Variants in SYN2 observed in about 807,000 individuals in gnomAD.
SYN2 encodes the protein synapsin II, also known as synapsin-2.
In SYN2, 19 loss-of-function variants were observed where a neutral mutation model predicts 50.9. That is an observed-to-expected ratio of 0.37 (90% confidence interval 0.26 to 0.55). SYN2 has a LOEUF of 0.55. SYN2 is among the 20% of genes least tolerant of loss of function. SYN2 has a pLI of 0.81. For missense variants in SYN2, 587 were observed against 576.4 expected, an observed-to-expected ratio of 1.02 and a Z score of -0.19; for synonymous variants, 255 against 224.9, an observed-to-expected ratio of 1.13 and a Z score of -1.20.
chr3:12,163,740 A>G (rs1475545486), intron 7 of SYN2, among the ~76,000 whole-genome samples: 1 of 152,170 alleles, frequency 6.6e-6, no homozygotes, highest in Non-Finnish European at 1.5e-5. Context: ...TTATATTTAT[A>G]ATCTTCCTGC....
intron 10 of SYN2, among the ~76,000 whole-genome samples, chr3:12,181,506 C>T (rs1574892904): frequency 6.6e-6 from 1 of 152,280 alleles, no homozygotes; most frequent in Non-Finnish European, 1.5e-5. Flanking sequence ...AAGGGCAAGC[C>T]CAGCCATGCT....
At chr3:12,162,453 A>G (rs1213619462) in intron 7 of SYN2, among the ~76,000 whole-genome samples, 1 of 152,198 alleles carries the variant, frequency 6.6e-6, no homozygotes, top group Non-Finnish European at 1.5e-5. Flanking sequence ...ATTTTCTTAG[A>G]TCTTAGATCT....
chr3:12,189,985 T>C (rs12106878), intron 12 of SYN2, among the ~76,000 whole-genome samples: 8,340 of 152,226 alleles, frequency 0.055, 768 homozygotes, highest in African/African-American at 0.19. Context: ...GTGGCTTGCC[T>C]CCAGTTAGGA....
chr3:12,053,111 T>G (rs1694904142), intron 1 of SYN2, among the ~76,000 whole-genome samples: 1 of 152,186 alleles, frequency 6.6e-6, no homozygotes, highest in African/African-American at 2.4e-5. Context: ...TGAATTACTT[T>G]AGAGCTGGAA....
At chr3:12,122,563 G>C (rs974131400) in intron 1 of SYN2, among the ~76,000 whole-genome samples, 1 of 152,138 alleles carries the variant, frequency 6.6e-6, no homozygotes, top group African/African-American at 2.4e-5. Flanking sequence ...TAAAGTGGCA[G>C]ATAGGAAAAA....
chr3:12,030,772 T>C, intron 1 of SYN2, among the ~76,000 whole-genome samples: 1 of 80,490 alleles, frequency 1.2e-5, no homozygotes, highest in African/African-American at 4.5e-5. Flanking sequence ...TCTCTCTTTT[T>C]TTCTTTATTA....
intron 1 of SYN2, among the ~76,000 whole-genome samples, chr3:12,035,024 C>T (rs1017503429): frequency 6.6e-6 from 1 of 152,136 alleles, no homozygotes; most frequent in Non-Finnish European, 1.5e-5. Context: ...GAAATCGAAA[C>T]AGGTTGTTTA....
At position 12,179,374 on chromosome 3, in the gene SYN2, G is replaced by GA. The variant is rs536283283; in HGVS notation, c.1309-3915dup. ...TTCTCACACACCGGAAGAACTGAAAGAAAAAAAAAAAAAAAAAAAAAAAGC... is the reference window on the plus strand; with the variant it reads ...TTCTCACACACCGGAAGAACTGAAAGAAAAAAAAAAAAAAAAAAAAAAAAGC... On this transcript the variant is annotated intron_variant, in intron 10 of 12. Transcript: ENST00000621198. Among the ~76,000 whole-genome samples the GA allele has an allele frequency of 2.0e-3, 183 of 92,544 alleles. 3 individuals are homozygous for GA. Among genetic ancestry groups the GA allele is most frequent in the African/African-American group, 3.8e-3 (96 of 25,296 alleles). 60.7% of individuals were successfully genotyped at this position (92,544 alleles called of 152,430 possible). A position where few individuals can be genotyped will look rare whatever the true frequency, so the allele number is the denominator to read the frequency against.
intron 1 of SYN2, among the ~76,000 whole-genome samples, chr3:12,119,240 C>G (rs1696499809): frequency 6.6e-6 from 1 of 151,976 alleles, no homozygotes; most frequent in Non-Finnish European, 1.5e-5. Context: ...AAAACAATAA[C>G]AACTCTTCTG....
chr3:12,114,636 G>A (rs1696390491), intron 1 of SYN2, among the ~76,000 whole-genome samples: 1 of 152,052 alleles, frequency 6.6e-6, no homozygotes, highest in Non-Finnish European at 1.5e-5. Flanking sequence ...TAGAATCTAG[G>A]TGGGGGGTTC....
chr3:12,149,172 C>G (rs1697221472), intron 4 of SYN2, among the ~76,000 whole-genome samples: 1 of 152,180 alleles, frequency 6.6e-6, no homozygotes, highest in Non-Finnish European at 1.5e-5. Context: ...TGTGTGGTGT[C>G]TGTGTAACTC....
intron 1 of SYN2, among the ~76,000 whole-genome samples, chr3:12,012,071 T>C (rs1693921030): frequency 6.6e-6 from 1 of 152,194 alleles, no homozygotes; most frequent in Non-Finnish European, 1.5e-5. Context: ...GGAATCTTCT[T>C]TTTGTTGTTG....
At chr3:12,111,516 A>G (rs1696316247) in intron 1 of SYN2, among the ~76,000 whole-genome samples, 1 of 152,166 alleles carries the variant, frequency 6.6e-6, no homozygotes. Flanking sequence ...TCCTATTCAG[A>G]TCCTTTTCAG....
At position 12,162,080 on chromosome 3, in the gene SYN2, C is replaced by A; in HGVS notation, c.906C>A (p.Ala302=). The change falls in exon 7 of 13, where the codon GCC becomes GCA. Residue 302 remains alanine, a synonymous_variant. Transcript: ENST00000621198. The part of the protein sequence containing the change: ...ASVVALTQTY[A]TAEPFIDSKY... ...TGGTGGCTCTCACCCAGACCTATGC[C>A]ACTGCAGAGCCTTTCATTGACTCCA... The A allele has an allele frequency of 1.2e-6, 2 of 1,614,100 alleles. No homozygotes were observed. The highest frequency in any genetic ancestry group is 1.7e-6 in the Non-Finnish European group (2 of 1,179,958).
intron 4 of SYN2, among the ~76,000 whole-genome samples, chr3:12,150,002 A>T (rs1697239801): frequency 6.6e-6 from 1 of 152,246 alleles, no homozygotes; most frequent in Non-Finnish European, 1.5e-5. Context: ...CTAGGAAGTT[A>T]ACAGAACAAG....
rs905942203 is a variant in SYN2 at position 12,087,646 on chromosome 3, G to A, written c.378-53005G>A. 3.9e-5 allele frequency among the ~76,000 whole-genome samples: 6 copies of A among 152,134 alleles called. No homozygotes were observed. The East Asian group carries it at 9.7e-4, about 25-fold the overall frequency. On this transcript the variant is annotated intron_variant, in intron 1 of 12. Transcript: ENST00000621198. Reference sequence around the variant, plus strand: ...ACACACCTGTAGCCCCGGCTGCTTGGGGAGGTTGAGGCGGGAGGATCACTT... The same window carrying A: ...ACACACCTGTAGCCCCGGCTGCTTGAGGAGGTTGAGGCGGGAGGATCACTT...
At chr3:12,059,318 C>G (rs956316653) in intron 1 of SYN2, among the ~76,000 whole-genome samples, 2 of 152,178 alleles carry the variant, frequency 1.3e-5, no homozygotes, top group Non-Finnish European at 2.9e-5. Context: ...GGTGGGACAT[C>G]TTGAAGCAGA....
chr3:12,048,271 G>A (rs896230498), intron 1 of SYN2, among the ~76,000 whole-genome samples: 18 of 152,106 alleles, frequency 1.2e-4, no homozygotes, highest in East Asian at 5.8e-4. Flanking sequence ...GGACTCAAGC[G>A]ATCCTCCCAC....
At chr3:12,184,717 C>T in intron 11 of SYN2, 1 of 985,888 alleles carries the variant, frequency 1.0e-6, no homozygotes, top group Non-Finnish European at 1.2e-6. Context: ...TGTTCTCTTC[C>T]CTCTGACAAG....
Sources: gnomAD v4.1 joint callset for allele counts (sites outside exome capture counted in the v4.1 genomes callset) on GRCh38, gnomAD v4.1.1 for gene constraint, MANE v1.5 for transcripts, NCBI Gene and HGNC (gene_info 2026-07-23, HGNC 2026-07-21) for gene names.